Variants in COBLL1 observed in about 807,000 individuals in gnomAD.
COBLL1 encodes cordon-bleu WH2 repeat protein like 1, also known as cordon-bleu protein-like 1.
Under a neutral mutation model 94.8 loss-of-function variants are expected in COBLL1, and 50 were observed. The observed-to-expected ratio is 0.53, with a 90% CI of 0.42 to 0.67. The LOEUF (loss-of-function observed/expected upper bound fraction) is 0.67, where lower values mean the gene tolerates loss of function less well. Among genes scored for constraint, COBLL1 ranks in the 30% least tolerant of loss-of-function variants. COBLL1 has a pLI of 0.00. For missense variants in COBLL1, 1,362 were observed against 1,348.7 expected (o/e 1.01, Z -0.15); for synonymous variants, 448 against 473.8 (o/e 0.95, Z 0.71).
intron 2 of COBLL1, among the ~76,000 whole-genome samples, chr2:164,745,757 G>A (rs1476454023): frequency 6.6e-6 from 1 of 152,134 alleles, no homozygotes; most frequent in Non-Finnish European, 1.5e-5. Flanking sequence ...ACAGAAAAAG[G>A]CAAGAAATAA....
intron 2 of COBLL1, among the ~76,000 whole-genome samples, chr2:164,759,257 T>C (rs1356292485): frequency 6.6e-6 from 1 of 152,136 alleles, no homozygotes; most frequent in Non-Finnish European, 1.5e-5. Flanking sequence ...CACATACTGA[T>C]AAAGAAAACT....
chr2:164,829,136 G>A (rs355810), intron 2 of COBLL1, among the ~76,000 whole-genome samples: 105,577 of 152,114 alleles, frequency 0.69, 38,373 homozygotes, highest in African/African-American at 0.92. Context: ...ACAACCATCA[G>A]TTTAATTTTG....
At position 164,681,040 on chromosome 2, in the gene COBLL1, A is replaced by G. The variant is rs1683018827; in HGVS notation, c.*4906T>C. 1 of 152,208 alleles carries G rather than the reference A, an allele frequency of 6.6e-6. No individual in the cohort carries two copies. Among genetic ancestry groups the G allele is most frequent in the Non-Finnish European group, 1.5e-5 (1 of 68,044 alleles). The allele number at this position is 152,208 out of a possible 1,614,324, so 9.4% of individuals were successfully genotyped here. A position where few individuals can be genotyped will look rare whatever the true frequency, so the allele number is the denominator to read the frequency against. ...TCTGAGGTGTATTTGTGTTGGATTT[A>G]GTAAGTCATCTGTGAGATTCTGGAG... is the stretch of plus-strand genomic sequence containing the variant. On this transcript the variant is annotated 3_prime_UTR_variant, in exon 14 of 14. Coordinates refer to ENST00000652658, the MANE Select transcript of COBLL1 (RefSeq NM_001365672.2).
intron 3 of COBLL1, among the ~76,000 whole-genome samples, chr2:164,736,359 C>A (rs1686309440): frequency 6.6e-6 from 1 of 151,990 alleles, no homozygotes; most frequent in Non-Finnish European, 1.5e-5. Context: ...AACAAATAGA[C>A]CCATTCTCAA....
intron 2 of COBLL1, among the ~76,000 whole-genome samples, chr2:164,835,519 T>C (rs1683279274): frequency 6.6e-6 from 1 of 152,124 alleles, no homozygotes; most frequent in Admixed American, 6.5e-5. Context: ...TATTGTTTAA[T>C]GGGTATAGGG....
intron 2 of COBLL1, among the ~76,000 whole-genome samples, chr2:164,784,908 T>C (rs1291118210): frequency 6.6e-6 from 1 of 152,110 alleles, no homozygotes; most frequent in Admixed American, 6.6e-5. Flanking sequence ...GTTAGAAACA[T>C]AATTTCTAAT....
chr2:164,667,325 G>A (rs189742607), intron 1 of COBLL1, among the ~76,000 whole-genome samples: 77 of 152,198 alleles, frequency 5.1e-4, no homozygotes, highest in African/African-American at 1.8e-3. Flanking sequence ...TACGAAGGAC[G>A]CTCATATTTT....
Position 164,721,333 on chromosome 2 carries a change from A to T in COBLL1, c.996+742T>A, listed in dbSNP as rs185690531. Among the ~76,000 whole-genome samples, 20 of 152,336 alleles carry T rather than the reference A, an allele frequency of 1.3e-4. No individual in the cohort carries two copies. The East Asian group carries it at 3.7e-3, about 28-fold the overall frequency. ...AATATATACAGTCTCATCTTCAATC[A>T]TATATACCTAAAAATTCATTTATTT... On this transcript the variant is annotated intron_variant, in intron 7 of 13. Transcript: ENST00000652658.
At chr2:164,699,331 T>C (rs1684114815) in intron 11 of COBLL1, 74 bp downstream of exon 11, 6 of 911,962 alleles carry the variant, frequency 6.6e-6, no homozygotes, top group Middle Eastern at 2.1e-4. Context: ...AGTTAATACA[T>C]ATAAAGTGTT....
At chr2:164,777,544 A>G (rs1688526520) in intron 2 of COBLL1, among the ~76,000 whole-genome samples, 1 of 152,192 alleles carries the variant, frequency 6.6e-6, no homozygotes, top group Non-Finnish European at 1.5e-5. Flanking sequence ...GAATGCTGCT[A>G]TATACCTGAA....
intron 2 of COBLL1, among the ~76,000 whole-genome samples, chr2:164,758,225 A>C (rs1687503996): frequency 1.3e-5 from 2 of 152,018 alleles, no homozygotes; most frequent in African/African-American, 4.8e-5. Context: ...ATAACTTAAA[A>C]ATGGAATAAG....
Position 164,722,055 on chromosome 2 carries a change from T to G in COBLL1, c.996+20A>C. ...CACTGCCTCATCCAAAAAAACAAAA[T>G]AGAAAACAAAACTACACACCTTATC... On this transcript the variant is annotated intron_variant, in intron 7 of 13. Transcript: ENST00000652658. The G allele has an allele frequency of 6.5e-7, 1 of 1,536,616 alleles. No individual in the cohort carries two copies. Among genetic ancestry groups the G allele is most frequent in the Non-Finnish European group, 8.8e-7 (1 of 1,140,908 alleles).
intron 2 of COBLL1, among the ~76,000 whole-genome samples, chr2:164,790,387 T>A (rs1211450719): frequency 6.6e-6 from 1 of 152,188 alleles, no homozygotes; most frequent in Non-Finnish European, 1.5e-5. Flanking sequence ...TAAATCATTA[T>A]CCCACATGAT....
intron 2 of COBLL1, among the ~76,000 whole-genome samples, chr2:164,765,717 G>C (rs190367710): frequency 1.4e-3 from 209 of 152,102 alleles, no homozygotes; most frequent in African/African-American, 4.8e-3. Flanking sequence ...ATGCTCTATG[G>C]TATATATGAA....
At chr2:164,754,272 A>G (rs1687282820) in intron 2 of COBLL1, among the ~76,000 whole-genome samples, 1 of 152,198 alleles carries the variant, frequency 6.6e-6, no homozygotes, top group Non-Finnish European at 1.5e-5. Flanking sequence ...GCCTTCTCTA[A>G]GATGATGTCC....
intron 9 of COBLL1, chr2:164,703,122 C>T: frequency 6.2e-7 from 1 of 1,612,050 alleles, no homozygotes; most frequent in Non-Finnish European, 8.5e-7. Flanking sequence ...GATGTTATGG[C>T]TGCCTCAGGT....
chr2:164,788,976 T>C (rs1002588358), intron 2 of COBLL1, among the ~76,000 whole-genome samples: 2 of 150,862 alleles, frequency 1.3e-5, no homozygotes, highest in Non-Finnish European at 3.0e-5. Flanking sequence ...GTATGGTCAT[T>C]CCAGTTAGTA....
At position 164,702,380 on chromosome 2, in the gene COBLL1, A is replaced by G. The variant is rs1413551690; in HGVS notation, c.1226-1624T>C. Among the ~76,000 whole-genome samples, 10 of 151,578 alleles carry G rather than the reference A, an allele frequency of 6.6e-5. No homozygotes were observed. In the South Asian group the frequency reaches 1.5e-3, roughly 22 times the overall value. On this transcript the variant is annotated intron_variant, in intron 9 of 13. Coordinates refer to ENST00000652658, the MANE Select transcript of COBLL1 (RefSeq NM_001365672.2). ...AGATCGAGACCATCCTGGCCAACAT[A>G]GTGAAACCCCGTCTCTACTAAAAAT...
In COBLL1 at chr2:164,743,785, A is replaced by T. The variant is rs770260182; in HGVS notation, c.132T>A (p.Ala44=). 2.5e-6 allele frequency: 4 copies of T among 1,613,462 alleles called. No homozygotes were observed. The highest frequency in any genetic ancestry group is 3.4e-6 in the Non-Finnish European group (4 of 1,179,594). Residue 44 remains alanine, a synonymous_variant, in exon 3 of 14, where the codon GCT becomes GCA. Transcript: ENST00000652658. ...SSAADSVEST[A]FIMEQKENMI... is the part of the protein sequence containing the mutation. ...TGTTTTCTTTCTGTTCCATGATGAAAGCAGTGGATTCTACAGAATCAGCAG... is the reference window on the plus strand; with the variant it reads ...TGTTTTCTTTCTGTTCCATGATGAATGCAGTGGATTCTACAGAATCAGCAG...
Sources: allele counts gnomAD v4.1 joint callset (sites outside exome capture counted in the v4.1 genomes callset), GRCh38; gene constraint gnomAD v4.1.1; transcripts MANE v1.5; gene names NCBI Gene and HGNC (gene_info 2026-07-23, HGNC 2026-07-21).